Variants in ADCY2 observed in about 807,000 individuals in gnomAD.
The protein encoded by ADCY2 is adenylate cyclase type 2.
A neutral mutation model predicts 125.2 loss-of-function variants in ADCY2; 31 were observed. The ratio of observed to expected loss-of-function variants is 0.25; its 90% CI spans 0.19 to 0.33. ADCY2 has a LOEUF of 0.33. Ranked by LOEUF, ADCY2 falls within the 10% of genes least tolerant of loss-of-function variation. The pLI is 1.00. For synonymous variants in ADCY2, 512 were observed against 548.4 expected (o/e 0.93, Z 0.93); for missense variants, 904 against 1,418.2 (o/e 0.64, Z 5.82).
At chr5:7,653,972 A>G (rs1247388150) in intron 4 of ADCY2, 4 of 418,134 alleles carry the variant, frequency 9.6e-6, no homozygotes, top group Non-Finnish European at 1.9e-5. Flanking sequence ...TAGAAATCCC[A>G]GAAGAGCTGT....
intron 4 of ADCY2, among the ~76,000 whole-genome samples, chr5:7,667,212 A>G (rs763671920): frequency 7.2e-5 from 11 of 152,182 alleles, no homozygotes; most frequent in Non-Finnish European, 1.6e-4. Context: ...GGGAAAGTGC[A>G]AGAGTAAACA....
At chr5:7,526,930 T>C (rs1028397201) in intron 3 of ADCY2, among the ~76,000 whole-genome samples, 5 of 146,086 alleles carry the variant, frequency 3.4e-5, no homozygotes, top group African/African-American at 1.2e-4. Context: ...TTCTATATGA[T>C]ACATCTAGCG....
chr5:7,532,607 T>A (rs1016824430), intron 3 of ADCY2, among the ~76,000 whole-genome samples: 7 of 152,204 alleles, frequency 4.6e-5, no homozygotes, highest in Middle Eastern at 3.2e-3. Context: ...AGTGTTATAC[T>A]GCGAAGGAAG....
intron 3 of ADCY2, among the ~76,000 whole-genome samples, chr5:7,546,199 C>G (rs948159840): frequency 6.6e-6 from 1 of 152,178 alleles, no homozygotes; most frequent in Admixed American, 6.5e-5. Flanking sequence ...CAAGACAGAA[C>G]AGAAATCCAG....
intron 3 of ADCY2, among the ~76,000 whole-genome samples, chr5:7,578,186 G>A (rs1736311771): frequency 6.6e-6 from 1 of 152,206 alleles, no homozygotes; most frequent in African/African-American, 2.4e-5. Context: ...CATGAAAGGA[G>A]AATGCTTTTA....
chr5:7,465,623 A>C (rs80102537), intron 2 of ADCY2, among the ~76,000 whole-genome samples: 2,007 of 152,294 alleles, frequency 0.013, 43 homozygotes, highest in African/African-American at 0.045. Context: ...AGCTACACAG[A>C]TCCTTTTTAA....
At chr5:7,530,296 T>C (rs1734598079) in intron 3 of ADCY2, among the ~76,000 whole-genome samples, 1 of 152,180 alleles carries the variant, frequency 6.6e-6, no homozygotes, top group African/African-American at 2.4e-5. Flanking sequence ...GGTGTAAAAA[T>C]GCTTTGGGAA....
chr5:7,791,578 TCTC>T (rs1487598360), intron 20 of ADCY2, among the ~76,000 whole-genome samples: 1 of 152,124 alleles, frequency 6.6e-6, no homozygotes, highest in Non-Finnish European at 1.5e-5. Flanking sequence ...TCCTATCTCT[TCTC>T]CTGGTGTTTA....
Position 7,709,170 on chromosome 5 carries a change from C to A in ADCY2, c.1402-41C>A. On this transcript the variant is annotated intron_variant, in intron 9 of 24. Transcript: ENST00000338316. This position sits in a 1 kb window ranked among gnomAD's most constrained non-coding sequence, Gnocchi z 4.4. The stretch of plus-strand genomic sequence containing the variant: ...GATGCCAAAAGGATCATGTGTGGCC[C>A]TGTGCTGTGCCAGGTGTGATGCTTT... 1 of 1,551,960 alleles carries A rather than the reference C, an allele frequency of 6.4e-7. No homozygotes were observed. The highest frequency in any genetic ancestry group is 8.7e-7 in the Non-Finnish European group (1 of 1,148,834).
At chr5:7,738,371 G>GA (rs1560926468) in intron 14 of ADCY2, among the ~76,000 whole-genome samples, 1 of 151,688 alleles carries the variant, frequency 6.6e-6, no homozygotes, top group Admixed American at 6.6e-5. Context: ...AAGAGGAAAT[G>GA]AAAAATACTT....
intron 2 of ADCY2, among the ~76,000 whole-genome samples, chr5:7,472,002 A>G (rs914913824): frequency 1.3e-4 from 20 of 151,964 alleles, no homozygotes; most frequent in Non-Finnish European, 2.6e-4. Context: ...GTGGCTTGAA[A>G]TTGATGTGTT....
At chr5:7,504,726 C>A (rs1743739448) in intron 2 of ADCY2, among the ~76,000 whole-genome samples, 1 of 150,696 alleles carries the variant, frequency 6.6e-6, no homozygotes, top group African/African-American at 2.4e-5. Context: ...CTAGGCTGGG[C>A]TTGAACTCCT....
chr5:7,773,088 G>T lies in ADCY2; in HGVS notation c.2371G>T (p.Val791Phe), dbSNP rs1252094417. 1.2e-6 allele frequency: 2 copies of T among 1,613,818 alleles called. No homozygotes were observed. Among genetic ancestry groups the T allele is most frequent in the Admixed American group, 3.3e-5 (2 of 59,978 alleles). ...CCACGTCCTGGGCGACTACAGCCAG[G>T]TCTTATTTGAGAGGTGAGCCACGGC... ...HAHVLGDYSQVLFERPGIWKD... is the reference protein window; with the variant it reads ...HAHVLGDYSQFLFERPGIWKD... The change falls in exon 18 of 25, where the codon GTC (valine) becomes TTC (phenylalanine). Residue 791 changes from valine (V) to phenylalanine (F), a missense_variant. By Grantham distance (50) the Val-to-Phe change is conservative. Transcript: ENST00000338316.
rs939051366 is a variant in ADCY2 at position 7,402,708 on chromosome 5, G to T, written c.210+6202G>T. 3.9e-5 allele frequency among the ~76,000 whole-genome samples: 6 copies of T among 152,272 alleles called. No individual in the cohort carries two copies. The South Asian group carries it at 1.2e-3, about 32-fold the overall frequency. On this transcript the variant is annotated intron_variant, in intron 1 of 24. Transcript: ENST00000338316. Reference sequence around the variant, plus strand: ...AGTCACTTCTGAAAAGCTTGGTGCTGGAAATGGGAAAGTTCAATTATAGGG... The same window carrying T: ...AGTCACTTCTGAAAAGCTTGGTGCTTGAAATGGGAAAGTTCAATTATAGGG...
At chr5:7,668,598 C>T (rs929609097) in intron 4 of ADCY2, among the ~76,000 whole-genome samples, 1 of 152,036 alleles carries the variant, frequency 6.6e-6, no homozygotes, top group African/African-American at 2.4e-5. Flanking sequence ...ATCTAGAAAA[C>T]AAGAGTTTTT....
chr5:7,790,534 C>T (rs1175768627), intron 20 of ADCY2, among the ~76,000 whole-genome samples: 9 of 152,194 alleles, frequency 5.9e-5, no homozygotes, highest in South Asian at 2.1e-4. Context: ...TTGGACTTAA[C>T]GTGAGAAACA....
At chr5:7,760,978 C>A (rs939838502) in intron 16 of ADCY2, among the ~76,000 whole-genome samples, 4 of 152,048 alleles carry the variant, frequency 2.6e-5, no homozygotes, top group African/African-American at 9.7e-5. Flanking sequence ...TTTTATTCCA[C>A]GTATGAGATC....
At chr5:7,675,775 G>A (rs1740105259) in intron 4 of ADCY2, among the ~76,000 whole-genome samples, 1 of 152,216 alleles carries the variant, frequency 6.6e-6, no homozygotes, top group South Asian at 2.1e-4. Flanking sequence ...GGGCAGGTGT[G>A]TAGGTAGGAC....
At chr5:7,811,361 C>T (rs1744936520) in intron 22 of ADCY2, among the ~76,000 whole-genome samples, 2 of 151,828 alleles carry the variant, frequency 1.3e-5, no homozygotes, top group Non-Finnish European at 2.9e-5. Context: ...ATGAGCCGGG[C>T]GTGGTGGCAG....
Sources: allele counts gnomAD v4.1 joint callset (sites outside exome capture counted in the v4.1 genomes callset), GRCh38; gene constraint gnomAD v4.1.1; non-coding constraint Gnocchi (gnomAD v3.1); transcripts MANE v1.5; gene names NCBI Gene and HGNC (gene_info 2026-07-23, HGNC 2026-07-21).